Variants in TST observed in about 807,000 individuals in gnomAD.
TST encodes thiosulfate sulfurtransferase, also known as epididymis secretory sperm binding protein.
TST carries 22 observed loss-of-function variants against 20.4 expected under a neutral mutation model. The observed-to-expected ratio is 1.08, with a 90% confidence interval of 0.77 to 1.54. TST has a LOEUF of 1.54. TST is among the 40% of genes most tolerant of loss of function. The probability of loss-of-function intolerance (pLI) is 0.00; values close to 1 mark genes in which losing one functional copy is unlikely to be tolerated. For synonymous variants in TST, 187 were observed against 173.8 expected, an observed-to-expected ratio of 1.08 and a Z score of -0.60; for missense variants, 392 against 405.2, an observed-to-expected ratio of 0.97 and a Z score of 0.28.
At chr22:37,019,849 G>C, upstream of TST, 1 of 1,222,040 alleles carries the variant, frequency 8.2e-7, no homozygotes, top group Non-Finnish European at 1.0e-6. Flanking sequence ...GGCGGAGCCA[G>C]GAAGCCGGGA....
intron 2 of TST, among the ~76,000 whole-genome samples, chr22:37,014,926 T>C (rs130607): frequency 0.49 from 75,186 of 151,932 alleles, 18,838 homozygotes; most frequent in East Asian, 0.64. Flanking sequence ...GAGGCAGCCC[T>C]GCACCTTCCC....
Position 37,011,319 on chromosome 22 carries a change from T to A in TST, c.602A>T (p.Asp201Val), listed in dbSNP as rs1922472529. 6.2e-7 allele frequency: 1 copy of A among 1,611,456 alleles called. No individual in the cohort carries two copies. The highest frequency in any genetic ancestry group is 1.7e-5 in the Admixed American group (1 of 59,938). ...TEPEPDAVGL[D>V]SGHIRGAVNM... ...GACGGCACCACGGATATGGCCCGAG[T>A]CCAGTCCTGGGCAGGGCAGAGGACA... Residue 201 changes from aspartate (D) to valine (V), a missense_variant, in exon 3 of 3, where the codon GAC (aspartate) becomes GTC (valine). Physicochemically the swap from Asp to Val is radical, Grantham distance 152. Transcript: ENST00000249042.
At chr22:37,018,942 G>A (rs7288429) in intron 1 of TST, 189 bp from the exon 2 acceptor site, 58,850 of 462,572 alleles carry the variant, frequency 0.13, 4,440 homozygotes, top group Middle Eastern at 0.18. Flanking sequence ...AGCCGGCCCC[G>A]CCCCTCCCAG....
upstream of TST, chr22:37,019,666 G>A (rs1295266088): frequency 1.7e-5 from 6 of 346,158 alleles, no homozygotes; most frequent in Non-Finnish European, 2.6e-5. Flanking sequence ...GGGCTGGGCG[G>A]AGCGGGCGTA....
rs775698023 is a variant in TST at position 37,018,510 on chromosome 22, G to A, written c.223C>T (p.Leu75=). The A allele has an allele frequency of 4.0e-5, 64 of 1,602,578 alleles. No individual in the cohort carries two copies. In the South Asian group the frequency reaches 5.1e-4, roughly 13 times the overall value. Residue 75 remains leucine, a synonymous_variant, in exon 2 of 3, where the codon CTG becomes TTG. Coordinates refer to ENST00000249042, the MANE Select transcript of TST (RefSeq NM_003312.6). ...TCGGCGAAGCCAGCCTCGCTGGGCA[G>A]CATCATCTCGTAGGGCGACGCCGTG... ...RDTASPYEMM[L]PSEAGFAEYV...
rs1325965730 is a variant in TST, at chr22:37,011,204, A to T, written c.717T>A (p.Asp239Glu). 1.9e-6 allele frequency: 3 copies of T among 1,613,706 alleles called. No individual in the cohort carries two copies. The highest frequency in any genetic ancestry group is 2.5e-6 in the Non-Finnish European group (3 of 1,180,024). ...ACGTGGCAATGAGAGGCTGCGAGAG[A>T]TCCACCTTCTTGGTCTGGAACAGAG... Reference protein sequence around the residue: ...LRALFQTKKVDLSQPLIATCR... With the variant: ...LRALFQTKKVELSQPLIATCR... Residue 239 changes from aspartate to glutamate, a missense_variant, in exon 3 of 3, where the codon GAT becomes GAA. Asp to Glu is a conservative substitution (Grantham distance 45). Transcript: ENST00000249042.
upstream of TST, chr22:37,019,669 C>A: frequency 1.2e-5 from 4 of 339,646 alleles, no homozygotes; most frequent in Non-Finnish European, 1.6e-5. Flanking sequence ...CTGGGCGGAG[C>A]GGGCGTACCC....
At chr22:37,017,727 G>A (rs531777252) in intron 2 of TST, among the ~76,000 whole-genome samples, 2 of 152,284 alleles carry the variant, frequency 1.3e-5, no homozygotes, top group African/African-American at 4.8e-5. Context: ...GGGTTTCTGC[G>A]GGACGAGAGA....
intron 2 of TST, 47 bp from the exon 3 acceptor site, chr22:37,011,372 G>T (rs1254779240): frequency 1.3e-6 from 2 of 1,567,704 alleles, no homozygotes; most frequent in Non-Finnish European, 1.7e-6. Flanking sequence ...GAGGGGTGGG[G>T]ACTAATGGGG....
intron 2 of TST, among the ~76,000 whole-genome samples, chr22:37,013,615 T>A (rs1485389022): frequency 6.6e-6 from 1 of 151,972 alleles, no homozygotes; most frequent in Non-Finnish European, 1.5e-5. Context: ...AATAATGAAT[T>A]AAAAAAGGAA....
intron 1 of TST, chr22:37,018,962 G>A (rs947349229): frequency 1.8e-5 from 8 of 451,964 alleles, no homozygotes; most frequent in Non-Finnish European, 3.1e-5. Context: ...GCCGGCCCGG[G>A]GGCCCAGCGC....
intron 2 of TST, among the ~76,000 whole-genome samples, chr22:37,014,179 G>A (rs1186034166): frequency 3.3e-5 from 5 of 152,120 alleles, no homozygotes; most frequent in Admixed American, 2.0e-4. Context: ...TGGCTAACAC[G>A]GTGAAACCCC....
At chr22:37,012,767 C>T (rs987217125) in intron 2 of TST, among the ~76,000 whole-genome samples, 2 of 152,186 alleles carry the variant, frequency 1.3e-5, no homozygotes, top group African/African-American at 2.4e-5. Context: ...CCACCTAGGC[C>T]GGATGCAGTG....
chr22:37,018,599 C>A lies in TST; in HGVS notation c.134G>T (p.Arg45Leu), dbSNP rs1221552512. 8 of 1,563,626 alleles carry A rather than the reference C, an allele frequency of 5.1e-6. No individual in the cohort carries two copies. The highest frequency in any genetic ancestry group is 1.4e-5 in the African/African-American group (1 of 73,756). The change falls in exon 2 of 3, where the codon CGC becomes CTC. Residue 45 changes from arginine (R) to leucine (L), a missense_variant. By Grantham distance (102) the Arg-to-Leu change is moderately radical. Transcript: ENST00000249042. The stretch of plus-strand genomic sequence containing the variant: ...TACGTGGCGCTCGAGGTACTCCTTG[C>A]GGGCCTCTCGGGTGCCTGGTGAGTA... ...SWYSPGTREA[R>L]KEYLERHVPG... is the part of the protein sequence containing the mutation.
Position 37,018,215 on chromosome 22 carries a change from T to C in TST, c.518A>G (p.Glu173Gly), listed in dbSNP as rs769418792. 2.5e-6 allele frequency: 4 copies of C among 1,613,512 alleles called. No individual in the cohort carries two copies. The highest frequency in any genetic ancestry group is 3.4e-6 in the Non-Finnish European group (4 of 1,179,868). ...KTYEQVLENL[E>G]SKRFQLVDSR... ...ATCCACCAGCTGGAACCTCTTAGAT[T>C]CAAGGTTCTCCAGCACCTGCTCGTA... The change falls in exon 2 of 3, where the codon GAA (glutamate) becomes GGA (glycine). Residue 173 changes from glutamate (E) to glycine (G), a missense_variant. Coordinates refer to ENST00000249042, the MANE Select transcript of TST (RefSeq NM_003312.6).
chr22:37,018,880 G>T, intron 1 of TST, 127 bp from the exon 2 acceptor site: 1 of 660,256 alleles, frequency 1.5e-6, no homozygotes, highest in Non-Finnish European at 2.4e-6. Context: ...TTTACAGCAA[G>T]CCAGCGAGGC....
chr22:37,016,102 G>A (rs1168722142), intron 2 of TST, among the ~76,000 whole-genome samples: 2 of 151,598 alleles, frequency 1.3e-5, no homozygotes, highest in African/African-American at 2.4e-5. Flanking sequence ...TACCACCAAC[G>A]CCTGGCTAAT....
rs1314402495 is a variant in TST, at chr22:37,010,965, C to A, written c.*62G>T. On this transcript the variant is annotated 3_prime_UTR_variant, in exon 3 of 3. Transcript: ENST00000249042. Reference sequence around the variant, plus strand: ...TCTCCTTCACCTAAGAGGTAAGAACCGGCTGTAAGTCATGGGGTCACTAAA... The same window carrying A: ...TCTCCTTCACCTAAGAGGTAAGAACAGGCTGTAAGTCATGGGGTCACTAAA... 3.2e-6 allele frequency: 5 copies of A among 1,551,132 alleles called. No homozygotes were observed. The East Asian group carries it at 1.1e-4, about 35-fold the overall frequency.
chr22:37,014,694 G>C (rs1030489795), intron 2 of TST, among the ~76,000 whole-genome samples: 1 of 152,158 alleles, frequency 6.6e-6, no homozygotes, highest in Admixed American at 6.5e-5. Flanking sequence ...TGCCCCCAAC[G>C]CCTGTGTTCT....
Sources: gnomAD v4.1 joint callset for allele counts (sites outside exome capture counted in the v4.1 genomes callset) on GRCh38, gnomAD v4.1.1 for gene constraint, MANE v1.5 for transcripts, NCBI Gene and HGNC (gene_info 2026-07-23, HGNC 2026-07-21) for gene names.